GLYATL1: variants seen among roughly 807,000 people sequenced by gnomAD.
GLYATL1 encodes glycine N-acyltransferase-like protein 1.
A neutral mutation model predicts 20.0 loss-of-function variants in GLYATL1; 15 were observed. The ratio of observed to expected loss-of-function variants is 0.75; its 90% CI spans 0.50 to 1.15. GLYATL1 has a LOEUF of 1.15. GLYATL1 is among the 50% of genes most tolerant of loss of function. The probability of loss-of-function intolerance (pLI) is 0.00; values close to 1 mark genes in which losing one functional copy is unlikely to be tolerated. For missense variants in GLYATL1, 380 were observed against 368.5 expected, an observed-to-expected ratio of 1.03 and a Z score of -0.26; for synonymous variants, 151 against 131.5, an observed-to-expected ratio of 1.15 and a Z score of -1.01.
At chr11:58,908,194 A>G (rs1854952925) in exon 2 of GLYATL1, 1 of 152,176 alleles carries the variant, frequency 6.6e-6, no homozygotes, top group Non-Finnish European at 1.5e-5. Flanking sequence ...ACTCAGGGAA[A>G]CTGCCAGGTT....
chr11:58,905,715 C>A, intron 1 of GLYATL1: 1 of 148,098 alleles, frequency 6.8e-6, no homozygotes, highest in South Asian at 5.3e-5. Flanking sequence ...ATCGCTGGGA[C>A]CGGGATGGGT....
intron 1 of GLYATL1, chr11:58,928,180 A>C (rs1254391176): frequency 1.3e-5 from 2 of 152,204 alleles, no homozygotes; most frequent in Non-Finnish European, 2.9e-5. Flanking sequence ...CTGAAGCTCC[A>C]CTAGCCTTAA....
intron 1 of GLYATL1, among the ~76,000 whole-genome samples, chr11:58,921,924 T>G (rs1855318042): frequency 6.6e-6 from 1 of 152,200 alleles, no homozygotes; most frequent in Admixed American, 6.5e-5. Flanking sequence ...CAGGGTTAAA[T>G]GGAGTGTATA....
At chr11:58,951,130 C>T (rs186397327) in intron 4 of GLYATL1, among the ~76,000 whole-genome samples, 7 of 152,102 alleles carry the variant, frequency 4.6e-5, no homozygotes, top group African/African-American at 1.7e-4. Context: ...ATTTTTGCTA[C>T]TCGAAGATCA....
At chr11:58,913,734 T>G (rs963831673) in intron 1 of GLYATL1, among the ~76,000 whole-genome samples, 1 of 152,164 alleles carries the variant, frequency 6.6e-6, no homozygotes, top group African/African-American at 2.4e-5. Context: ...GTTTTGGAAG[T>G]GGTCATAGTT....
intron 1 of GLYATL1, among the ~76,000 whole-genome samples, chr11:58,915,844 T>C (rs1221383237): frequency 3.3e-5 from 5 of 152,228 alleles, no homozygotes; most frequent in African/African-American, 1.2e-4. Context: ...GAAGCAGTGA[T>C]AGAATCAGGT....
At chr11:58,941,740 G>A (rs1856172665) in intron 1 of GLYATL1, among the ~76,000 whole-genome samples, 1 of 152,224 alleles carries the variant, frequency 6.6e-6, no homozygotes, top group Admixed American at 6.5e-5. Flanking sequence ...GCCAAAGAGA[G>A]TGAGGTCTAG....
intron 2 of GLYATL1, among the ~76,000 whole-genome samples, chr11:58,946,414 G>C (rs1856572366): frequency 6.6e-6 from 1 of 152,226 alleles, no homozygotes; most frequent in South Asian, 2.1e-4. Flanking sequence ...CCTATCAGTT[G>C]TGATGATCAC....
chr11:58,922,992 C>A (rs988289482), upstream of GLYATL1, among the ~76,000 whole-genome samples: 1 of 152,176 alleles, frequency 6.6e-6, no homozygotes, highest in Admixed American at 6.5e-5. Flanking sequence ...GAGGGGTTAC[C>A]TTGACTCCAT....
chr11:58,911,461 T>C (rs903802399), downstream of GLYATL1, among the ~76,000 whole-genome samples: 1 of 152,230 alleles, frequency 6.6e-6, no homozygotes, highest in African/African-American at 2.4e-5. Flanking sequence ...GTGTGAGAGT[T>C]CCAGTTGTTT....
At position 58,955,872 on chromosome 11, in the gene GLYATL1, A is replaced by G. The variant is rs1432064055; in HGVS notation, c.754A>G (p.Met252Val). The change falls in exon 7 of 7, where the codon ATG (methionine) becomes GTG (valine). Residue 252 changes from methionine to valine, a missense_variant. Met to Val is a conservative substitution (Grantham distance 21, BLOSUM62 1). Coordinates refer to ENST00000532726, the MANE Select transcript of GLYATL1 (RefSeq NM_001389712.2). ...CATGGCACGAGTGATGGTGCGATACATGAAATATCTGCGTCAGAAGAATAT... is the reference window on the plus strand; with the variant it reads ...CATGGCACGAGTGATGGTGCGATACGTGAAATATCTGCGTCAGAAGAATAT... ...GNMARVMVRY[M>V]KYLRQKNIPF... The G allele has an allele frequency of 1.2e-6, 2 of 1,614,240 alleles. No homozygotes were observed. The highest frequency in any genetic ancestry group is 1.7e-5 in the Admixed American group (1 of 60,026).
upstream of GLYATL1, among the ~76,000 whole-genome samples, chr11:58,924,367 CG>C (rs1392595191): frequency 1.3e-5 from 2 of 152,114 alleles, no homozygotes; most frequent in East Asian, 3.8e-4. Context: ...CAGACTTAAC[CG>C]GGGAAGCCTC....
intron 6 of GLYATL1, 125 bp from the exon 7 acceptor site, chr11:58,955,485 A>G (rs1857333051): frequency 7.2e-7 from 1 of 1,386,430 alleles, no homozygotes. Flanking sequence ...AAAGTTCAAG[A>G]TCCAAAACTT....
At chr11:58,920,332 G>C (rs1163894007) in intron 1 of GLYATL1, among the ~76,000 whole-genome samples, 1 of 152,158 alleles carries the variant, frequency 6.6e-6, no homozygotes, top group East Asian at 1.9e-4. Context: ...AGTGGCAAAA[G>C]CATATTTGGA....
At chr11:58,920,795 G>A (rs906763243) in intron 1 of GLYATL1, among the ~76,000 whole-genome samples, 11 of 152,142 alleles carry the variant, frequency 7.2e-5, no homozygotes, top group South Asian at 4.1e-4. Flanking sequence ...TGCGGTACCC[G>A]GATTTTCAGT....
intron 4 of GLYATL1, among the ~76,000 whole-genome samples, chr11:58,948,413 A>G (rs1247065105): frequency 6.6e-6 from 1 of 152,154 alleles, no homozygotes; most frequent in African/African-American, 2.4e-5. Flanking sequence ...CCAAGGCAGG[A>G]GGATCACTTG....
At chr11:58,947,412 T>C (rs1856652006) in intron 3 of GLYATL1, 1 of 550,084 alleles carries the variant, frequency 1.8e-6, no homozygotes, top group East Asian at 3.0e-5. Context: ...ACGAACATGG[T>C]TTGGAGCCTG....
chr11:58,930,795 C>A (rs1274840504), intron 1 of GLYATL1, among the ~76,000 whole-genome samples: 1 of 152,096 alleles, frequency 6.6e-6, no homozygotes, highest in Non-Finnish European at 1.5e-5. Context: ...GGTGAATATA[C>A]AGAAAAATAT....
intron 2 of GLYATL1, among the ~76,000 whole-genome samples, chr11:58,945,294 C>T (rs1360041225): frequency 6.6e-6 from 1 of 151,918 alleles, no homozygotes. Flanking sequence ...TAGCAGCTTC[C>T]TGATTTAGAA....
Sources: gnomAD v4.1 joint callset for allele counts (sites outside exome capture counted in the v4.1 genomes callset) on GRCh38, gnomAD v4.1.1 for gene constraint, MANE v1.5 for transcripts, NCBI Gene and HGNC (gene_info 2026-07-23, HGNC 2026-07-21) for gene names.